The following LRRTM4 variants were observed in gnomAD, a reference collection of about 807,000 sequenced individuals.
LRRTM4 encodes leucine rich repeat transmembrane neuronal 4.
Under a neutral mutation model 47.6 loss-of-function variants are expected in LRRTM4, and 25 were observed. The observed-to-expected ratio is 0.53, with a 90% CI of 0.38 to 0.73. The LOEUF is 0.73. LRRTM4 is among the 30% of genes least tolerant of loss of function. The pLI is 0.00. For synonymous variants in LRRTM4, 311 were observed against 269.5 expected (o/e 1.15, Z -1.51); for missense variants, 638 against 713.4 (o/e 0.89, Z 1.20).
intron 3 of LRRTM4, among the ~76,000 whole-genome samples, chr2:77,116,641 T>C (rs1671395388): frequency 1.3e-5 from 2 of 152,158 alleles, no homozygotes; most frequent in Admixed American, 1.3e-4. Flanking sequence ...ATCCAGTGAC[T>C]AAAAACAGTC....
At chr2:77,137,061 T>G (rs933849712) in intron 3 of LRRTM4, among the ~76,000 whole-genome samples, 1 of 151,848 alleles carries the variant, frequency 6.6e-6, no homozygotes, top group Non-Finnish European at 1.5e-5. Flanking sequence ...TGCAAGATAT[T>G]ATCCAGGAGA....
chr2:77,517,500 C>T, intron 3 of LRRTM4: 1 of 984,988 alleles, frequency 1.0e-6, no homozygotes, highest in Non-Finnish European at 1.2e-6. Flanking sequence ...AAATTGTGAC[C>T]TGATTTTAGT....
chr2:76,991,724 C>T (rs188653638), intron 3 of LRRTM4, among the ~76,000 whole-genome samples: 4 of 151,758 alleles, frequency 2.6e-5, no homozygotes, highest in East Asian at 3.9e-4. Context: ...GAGCTGGTAC[C>T]AATTCTACTG....
At chr2:77,192,108 T>G (rs1299183211) in intron 3 of LRRTM4, among the ~76,000 whole-genome samples, 1 of 152,102 alleles carries the variant, frequency 6.6e-6, no homozygotes, top group Admixed American at 6.6e-5. Flanking sequence ...GACAATTGAA[T>G]TAAATTTATA....
intron 3 of LRRTM4, among the ~76,000 whole-genome samples, chr2:77,346,295 C>A (rs955942065): frequency 2.0e-5 from 3 of 151,798 alleles, no homozygotes; most frequent in Non-Finnish European, 4.4e-5. Context: ...CCCAATTATA[C>A]CCAAATAAAA....
chr2:77,049,550 TTGAG>T (rs1316387178), intron 3 of LRRTM4, among the ~76,000 whole-genome samples: 1 of 152,022 alleles, frequency 6.6e-6, no homozygotes, highest in African/African-American at 2.4e-5. Context: ...ATTATTGATA[TTGAG>T]TGTTTTTGAG....
At chr2:77,077,023 A>C (rs1558565954) in intron 3 of LRRTM4, among the ~76,000 whole-genome samples, 1 of 152,138 alleles carries the variant, frequency 6.6e-6, no homozygotes, top group African/African-American at 2.4e-5. Context: ...ATTGTAATCC[A>C]TTCCCTTCCC....
At chr2:77,472,596 T>A (rs531677336) in intron 3 of LRRTM4, among the ~76,000 whole-genome samples, 2 of 152,244 alleles carry the variant, frequency 1.3e-5, no homozygotes, top group South Asian at 4.1e-4. Context: ...ATACCAAGAA[T>A]GTAGCAGATG....
intron 3 of LRRTM4, among the ~76,000 whole-genome samples, chr2:76,818,286 G>C (rs1670958139): frequency 6.6e-6 from 1 of 151,700 alleles, no homozygotes; most frequent in African/African-American, 2.4e-5. Flanking sequence ...TGTTCCCTTA[G>C]TGGGTGAATA....
chr2:76,788,824 T>C (rs1674818915), intron 3 of LRRTM4, among the ~76,000 whole-genome samples: 1 of 152,082 alleles, frequency 6.6e-6, no homozygotes, highest in South Asian at 2.1e-4. Flanking sequence ...GAAGTTTTTA[T>C]ATTAAAATCT....
intron 3 of LRRTM4, among the ~76,000 whole-genome samples, chr2:77,492,419 T>C (rs1678204901): frequency 1.3e-5 from 2 of 152,106 alleles, no homozygotes; most frequent in African/African-American, 4.8e-5. Flanking sequence ...CCATCACGCC[T>C]GGCTAATCTT....
chr2:77,123,849 C>G (rs1047947618), intron 3 of LRRTM4, among the ~76,000 whole-genome samples: 3 of 152,052 alleles, frequency 2.0e-5, no homozygotes, highest in Non-Finnish European at 4.4e-5. Flanking sequence ...TTGGCCTTGA[C>G]AGTAAGTGAC....
rs146689443 is a variant in LRRTM4, at chr2:77,074,206, A to G, written c.1552-325290T>C. On this transcript the variant is annotated intron_variant, in intron 3 of 3. Transcript: ENST00000409884. Reference sequence around the variant, plus strand: ...TATGATTTTGTTTTATCATATCTGCATTTATACTTGTTATAACATAGATGG... The same window carrying G: ...TATGATTTTGTTTTATCATATCTGCGTTTATACTTGTTATAACATAGATGG... 2.3e-3 allele frequency among the ~76,000 whole-genome samples: 343 copies of G among 152,258 alleles called. 4 individuals are homozygous for G. The highest frequency in any genetic ancestry group is 7.1e-3 in the African/African-American group (296 of 41,566).
chr2:77,061,274 A>C (rs1194472248), intron 3 of LRRTM4, among the ~76,000 whole-genome samples: 2 of 152,190 alleles, frequency 1.3e-5, no homozygotes, highest in Non-Finnish European at 2.9e-5. Context: ...CAATCTTGAA[A>C]ATAAGTTTAT....
At chr2:77,515,304 C>T (rs971804767) in intron 3 of LRRTM4, among the ~76,000 whole-genome samples, 19 of 151,732 alleles carry the variant, frequency 1.3e-4, no homozygotes, top group Admixed American at 1.1e-3. Flanking sequence ...TTAAAACTTG[C>T]AAAACATAGA....
intron 3 of LRRTM4, among the ~76,000 whole-genome samples, chr2:77,472,021 C>T (rs1425766582): frequency 1.3e-5 from 2 of 152,126 alleles, no homozygotes; most frequent in South Asian, 2.1e-4. Context: ...TTCGGGGCAC[C>T]AGCTGAGAGT....
intron 3 of LRRTM4, among the ~76,000 whole-genome samples, chr2:77,268,218 A>T (rs749142628): frequency 2.6e-5 from 4 of 152,132 alleles, no homozygotes; most frequent in Admixed American, 1.3e-4. Flanking sequence ...TGCAGTAAAA[A>T]AATAACAAAA....
At chr2:76,946,936 G>A (rs994929541) in intron 3 of LRRTM4, among the ~76,000 whole-genome samples, 1 of 151,844 alleles carries the variant, frequency 6.6e-6, no homozygotes, top group Non-Finnish European at 1.5e-5. Flanking sequence ...CTGGACAGAA[G>A]GAAGAAAGGC....
intron 3 of LRRTM4, among the ~76,000 whole-genome samples, chr2:77,480,629 A>G (rs1677639931): frequency 6.6e-6 from 1 of 152,152 alleles, no homozygotes; most frequent in African/African-American, 2.4e-5. Flanking sequence ...TTAATAAAGC[A>G]GGCATATTAA....
Sources: allele counts gnomAD v4.1 joint callset (sites outside exome capture counted in the v4.1 genomes callset), GRCh38; gene constraint gnomAD v4.1.1; transcripts MANE v1.5; gene names NCBI Gene and HGNC (gene_info 2026-07-23, HGNC 2026-07-21).